PECAM1: variants seen among roughly 807,000 people sequenced by gnomAD.
The protein encoded by PECAM1 is platelet endothelial cell adhesion molecule.
A neutral mutation model predicts 13.8 loss-of-function variants in PECAM1; 8 were observed. The ratio of observed to expected loss-of-function variants is 0.58; its 90% CI spans 0.34 to 1.05. The LOEUF is 1.05. Among genes scored for constraint, PECAM1 ranks in the 50% least tolerant of loss-of-function variants. The probability of loss-of-function intolerance (pLI) is 0.03; values close to 1 mark genes in which losing one functional copy is unlikely to be tolerated. For missense variants in PECAM1, 304 were observed against 141.2 expected, an observed-to-expected ratio of 2.15 and a Z score of -5.84; for synonymous variants, 136 against 52.6, an observed-to-expected ratio of 2.58 and a Z score of -6.86.
At chr17:64,341,517 A>T in intron 14 of PECAM1, 117 bp downstream of exon 14, 1 of 408,178 alleles carries the variant, frequency 2.4e-6, no homozygotes, top group Non-Finnish European at 4.5e-6. Context: ...CTGGTGTAAG[A>T]GGTGGCACCC....
chr17:64,352,413 T>C lies in PECAM1; in HGVS notation c.1967A>G (p.Asn656Ser). The C allele has an allele frequency of 2.1e-6, 1 of 475,240 alleles. No individual in the cohort carries two copies. Among genetic ancestry groups the C allele is most frequent in the Admixed American group, 3.2e-5 (1 of 31,734 alleles). 29.4% of individuals were successfully genotyped at this position (475,240 alleles called of 1,614,324 possible). A position where few individuals can be genotyped will look rare whatever the true frequency, so the allele number is the denominator to read the frequency against. The change falls in exon 11 of 16, where the codon AAT becomes AGT. Residue 656 changes from asparagine to serine, a missense_variant. Physicochemically the swap from Asn to Ser is conservative, Grantham distance 46. Transcript: ENST00000563924. ...NSNNEKMSDPNMEANSHYGHN... is the reference protein window; with the variant it reads ...NSNNEKMSDPSMEANSHYGHN... ...ACCGTAATGACTGTTAGCTTCCATATTGGGATCTGACATTTTCTCGTTGTT... is the reference window on the plus strand; with the variant it reads ...ACCGTAATGACTGTTAGCTTCCATACTGGGATCTGACATTTTCTCGTTGTT...
chr17:64,350,121 T>G (rs2035681395), intron 12 of PECAM1, among the ~76,000 whole-genome samples: 1 of 152,142 alleles, frequency 6.6e-6, no homozygotes, highest in African/African-American at 2.4e-5. Flanking sequence ...CAGTAGCTCA[T>G]TATGAGTCAG....
chr17:64,329,756 C>A, intron 14 of PECAM1, 34 bp from the exon 15 acceptor site: 1 of 760,892 alleles, frequency 1.3e-6, no homozygotes, highest in Non-Finnish European at 2.5e-6. Flanking sequence ...CAGTGAGCAA[C>A]GCAAATAACC....
chr17:64,349,019 C>A (rs1347972895), intron 12 of PECAM1, among the ~76,000 whole-genome samples: 1 of 152,104 alleles, frequency 6.6e-6, no homozygotes, highest in Admixed American at 6.5e-5. Context: ...CCAATTCAGT[C>A]TCACTCAAGA....
chr17:64,323,722 A>C lies in PECAM1; in HGVS notation c.*94T>G. On this transcript the variant is annotated 3_prime_UTR_variant, in exon 16 of 16. Coordinates refer to ENST00000563924, the MANE Select transcript of PECAM1 (RefSeq NM_000442.5). ...TGTTCTGTGGGAGCAGGGCAGGTTC[A>C]TAAATAAGTGCACAGAGGTCTTGAA... 4 of 1,491,654 alleles carry C rather than the reference A, an allele frequency of 2.7e-6. No individual in the cohort carries two copies. The highest frequency in any genetic ancestry group is 3.7e-6 in the Non-Finnish European group (4 of 1,079,128). The allele number at this position is 1,491,654 out of a possible 1,614,324, so 92.4% of individuals were successfully genotyped here. A position where few individuals can be genotyped will look rare whatever the true frequency, so the allele number is the denominator to read the frequency against.
chr17:64,347,292 T>C (rs1267111424), intron 13 of PECAM1, among the ~76,000 whole-genome samples: 4 of 150,894 alleles, frequency 2.7e-5, no homozygotes, highest in African/African-American at 9.8e-5. Context: ...CTGAGGGGGG[T>C]GGATCTTTTG....
At chr17:64,338,309 G>A (rs1191576636) in intron 14 of PECAM1, among the ~76,000 whole-genome samples, 1 of 146,704 alleles carries the variant, frequency 6.8e-6, no homozygotes, top group East Asian at 2.0e-4. Flanking sequence ...CAAATTCCTG[G>A]GCTCAAGCGA....
intron 14 of PECAM1, among the ~76,000 whole-genome samples, chr17:64,332,793 C>G (rs929483679): frequency 2.6e-5 from 4 of 152,208 alleles, no homozygotes; most frequent in African/African-American, 9.6e-5. Flanking sequence ...GCAGGGGATG[C>G]GGTGAGGACC....
At chr17:64,389,231 C>A (rs1367807926) in intron 2 of PECAM1, among the ~76,000 whole-genome samples, 1 of 152,158 alleles carries the variant, frequency 6.6e-6, no homozygotes, top group African/African-American at 2.4e-5. Context: ...TGCCTGCAAC[C>A]CAGTCACCTC....
At chr17:64,377,799 C>T in intron 3 of PECAM1, 25 bp downstream of exon 3, 2 of 474,980 alleles carry the variant, frequency 4.2e-6, no homozygotes, top group Non-Finnish European at 7.7e-6. Context: ...CATCTGCTTG[C>T]CTGTGCTCAG....
chr17:64,378,242 C>A (rs1452905961), intron 2 of PECAM1, 125 bp from the exon 3 acceptor site: 1 of 398,016 alleles, frequency 2.5e-6, no homozygotes, highest in Admixed American at 4.4e-5. Context: ...AGGGGTTCTA[C>A]GTGCCTACAG....
chr17:64,329,678 T>C (rs1037303903), intron 15 of PECAM1, 22 bp downstream of exon 15: 5 of 754,948 alleles, frequency 6.6e-6, no homozygotes, highest in South Asian at 5.6e-5. Context: ...TTAAATATAA[T>C]GTATATGAAA....
intron 15 of PECAM1, 66 bp from the exon 16 acceptor site, chr17:64,323,911 A>G: frequency 1.3e-6 from 1 of 789,082 alleles, no homozygotes; most frequent in East Asian, 2.4e-5. Flanking sequence ...GCCCTGGTGG[A>G]GAGAAATGCA....
chr17:64,371,301 T>G (rs2036231596), intron 4 of PECAM1, among the ~76,000 whole-genome samples: 1 of 152,252 alleles, frequency 6.6e-6, no homozygotes, highest in East Asian at 1.9e-4. Context: ...CATGGAAAAC[T>G]TATCATAAAA....
chr17:64,353,469 C>T (rs918966902), intron 10 of PECAM1, 22 bp downstream of exon 10: 1 of 468,322 alleles, frequency 2.1e-6, no homozygotes, highest in Non-Finnish European at 3.9e-6. Flanking sequence ...AGCAGCCGCC[C>T]CCTTCTTACA....
At chr17:64,326,205 T>C (rs1205531574) in intron 15 of PECAM1, among the ~76,000 whole-genome samples, 1 of 152,082 alleles carries the variant, frequency 6.6e-6, no homozygotes, top group Non-Finnish European at 1.5e-5. Context: ...AGCACCTAAG[T>C]CCACTATTCT....
chr17:64,386,734 C>T (rs1040627350), intron 2 of PECAM1, among the ~76,000 whole-genome samples: 2 of 152,066 alleles, frequency 1.3e-5, no homozygotes, highest in Non-Finnish European at 2.9e-5. Flanking sequence ...GAGTTTGAGA[C>T]CAGCCTGGGC....
chr17:64,386,698 G>A (rs919936045), intron 2 of PECAM1, among the ~76,000 whole-genome samples: 6 of 152,046 alleles, frequency 3.9e-5, no homozygotes, highest in South Asian at 2.1e-4. Context: ...TTCGGAGGCC[G>A]AGGCAGGAGG....
chr17:64,352,762 C>T (rs1172023297), intron 10 of PECAM1, among the ~76,000 whole-genome samples: 1 of 151,862 alleles, frequency 6.6e-6, no homozygotes, highest in Non-Finnish European at 1.5e-5. Context: ...TCAAGCGATT[C>T]TCGTGCCTCA....
Sources: gnomAD v4.1 joint callset for allele counts (sites outside exome capture counted in the v4.1 genomes callset) on GRCh38, gnomAD v4.1.1 for gene constraint, MANE v1.5 for transcripts, NCBI Gene and HGNC (gene_info 2026-07-23, HGNC 2026-07-21) for gene names.